Variants in ADAMTSL1 observed in about 807,000 individuals in gnomAD.
ADAMTSL1 encodes the protein ADAMTS like 1.
ADAMTSL1 carries 126 observed loss-of-function variants against 201.8 expected under a neutral mutation model. The observed-to-expected ratio is 0.62, with a 90% CI of 0.54 to 0.72. ADAMTSL1 has a LOEUF of 0.72. Among genes scored for constraint, ADAMTSL1 ranks in the 30% least tolerant of loss-of-function variants. The pLI is 0.00. For missense variants in ADAMTSL1, 2,679 were observed against 2,277.8 expected (o/e 1.18, Z -3.59); for synonymous variants, 1,121 against 903.4 (o/e 1.24, Z -4.32).
intron 2 of ADAMTSL1, among the ~76,000 whole-genome samples, chr9:18,453,836 G>C (rs1188995022): frequency 6.6e-6 from 1 of 152,146 alleles, no homozygotes; most frequent in Non-Finnish European, 1.5e-5. Flanking sequence ...TGTGCTATTA[G>C]AAGCAGAGTC....
intron 2 of ADAMTSL1, among the ~76,000 whole-genome samples, chr9:18,229,899 G>T (rs1162422024): frequency 6.6e-6 from 1 of 151,942 alleles, no homozygotes; most frequent in African/African-American, 2.4e-5. Context: ...CTTTCACCAG[G>T]TTGGCCAGAC....
chr9:18,298,652 C>T (rs1488417840), intron 2 of ADAMTSL1, among the ~76,000 whole-genome samples: 1 of 147,928 alleles, frequency 6.8e-6, no homozygotes, highest in Non-Finnish European at 1.5e-5. Context: ...CAAGCACTCT[C>T]AGTATTCTCA....
chr9:18,538,102 C>T lies in ADAMTSL1; in HGVS notation c.237+4810C>T, dbSNP rs182254814. Among the ~76,000 whole-genome samples the T allele has an allele frequency of 2.1e-3, 326 of 152,162 alleles. 7 individuals carry two copies. The highest frequency in any genetic ancestry group is 0.02 in the Admixed American group (305 of 15,274). On this transcript the variant is annotated intron_variant, in intron 3 of 28. Coordinates refer to ENST00000380548, the MANE Select transcript of ADAMTSL1 (RefSeq NM_001040272.6). ...AAAAAGATAGGTTTGGCTGCAGGCTCACTCTGGAGAATGGATGCAAAGCAG... is the reference window on the plus strand; with the variant it reads ...AAAAAGATAGGTTTGGCTGCAGGCTTACTCTGGAGAATGGATGCAAAGCAG...
At chr9:18,780,117 CTT>C (rs1026153162) in intron 19 of ADAMTSL1, among the ~76,000 whole-genome samples, 1 of 152,126 alleles carries the variant, frequency 6.6e-6, no homozygotes, top group Non-Finnish European at 1.5e-5. Flanking sequence ...GTGTTGGAGA[CTT>C]TTTATGAAAT....
At chr9:18,746,209 T>G (rs914256784) in intron 15 of ADAMTSL1, among the ~76,000 whole-genome samples, 1 of 151,998 alleles carries the variant, frequency 6.6e-6, no homozygotes, top group African/African-American at 2.4e-5. Context: ...TAGGGAGAAA[T>G]TGGAAACTGA....
At chr9:18,433,766 A>G (rs1206923454) in intron 2 of ADAMTSL1, among the ~76,000 whole-genome samples, 1 of 152,202 alleles carries the variant, frequency 6.6e-6, no homozygotes, top group Non-Finnish European at 1.5e-5. Flanking sequence ...GTAGACTAGG[A>G]AAGTTTTCAA....
chr9:18,870,801 T>A (rs1827836322), intron 23 of ADAMTSL1, among the ~76,000 whole-genome samples: 1 of 150,742 alleles, frequency 6.6e-6, no homozygotes, highest in Admixed American at 6.7e-5. Context: ...TTCTCGGGGT[T>A]TGTTTTGTTT....
chr9:18,016,166 T>A (rs1820252384), intron 1 of ADAMTSL1, among the ~76,000 whole-genome samples: 1 of 152,034 alleles, frequency 6.6e-6, no homozygotes, highest in African/African-American at 2.4e-5. Context: ...GTACATCCAC[T>A]CTAATGGCTG....
chr9:18,861,077 G>A (rs776049786), intron 23 of ADAMTSL1, among the ~76,000 whole-genome samples: 13 of 150,876 alleles, frequency 8.6e-5, no homozygotes, highest in South Asian at 2.1e-4. Context: ...CACATCCCTC[G>A]TTATACAGAG....
At position 18,906,998 on chromosome 9, in the gene ADAMTSL1, T is replaced by C. The variant is rs775124458; in HGVS notation, c.5182+86T>C. 1.9e-5 allele frequency: 28 copies of C among 1,480,864 alleles called. 1 individual carries two copies. The South Asian group carries it at 2.2e-4, about 12-fold the overall frequency. The allele number at this position is 1,480,864 out of a possible 1,614,324, so 91.7% of individuals were successfully genotyped here. A position where few individuals can be genotyped will look rare whatever the true frequency, so the allele number is the denominator to read the frequency against. On this transcript the variant is annotated intron_variant, in intron 28 of 28. Transcript: ENST00000380548. ...CAGTCCCTGGGACCGACCCTGAGCA[T>C]AGGGCATGGGGTCAGCTTCCCCAGG... is the stretch of plus-strand genomic sequence containing the variant.
chr9:18,206,196 C>T (rs144605574), intron 2 of ADAMTSL1, among the ~76,000 whole-genome samples: 2,745 of 151,812 alleles, frequency 0.018, 39 homozygotes, highest in Non-Finnish European at 0.026. Context: ...GTTGGAACTT[C>T]CAGCGAGGAA....
chr9:18,839,087 G>T (rs1825533911), intron 23 of ADAMTSL1, among the ~76,000 whole-genome samples: 1 of 150,006 alleles, frequency 6.7e-6, no homozygotes, highest in Non-Finnish European at 1.5e-5. Flanking sequence ...ACAATGTGCA[G>T]GTTACTTACA....
chr9:18,837,881 G>A (rs1825417366), intron 23 of ADAMTSL1, among the ~76,000 whole-genome samples: 1 of 152,080 alleles, frequency 6.6e-6, no homozygotes, highest in African/African-American at 2.4e-5. Context: ...GGACACCAAG[G>A]TCTTATGGGA....
intron 1 of ADAMTSL1, among the ~76,000 whole-genome samples, chr9:17,935,643 G>A (rs980570011): frequency 6.6e-6 from 1 of 152,118 alleles, no homozygotes; most frequent in South Asian, 2.1e-4. Context: ...GGTCAAAAAC[G>A]TAGTTGTTCT....
chr9:18,746,511 T>C (rs1819153677), intron 15 of ADAMTSL1, among the ~76,000 whole-genome samples: 1 of 152,168 alleles, frequency 6.6e-6, no homozygotes, highest in Non-Finnish European at 1.5e-5. Flanking sequence ...ATAACTTCAG[T>C]TTACAATAAC....
At chr9:18,878,763 T>C (rs374754391) in intron 23 of ADAMTSL1, among the ~76,000 whole-genome samples, 1 of 152,238 alleles carries the variant, frequency 6.6e-6, no homozygotes, top group African/African-American at 2.4e-5. Context: ...CTTCACATGC[T>C]GCTCTGTACA....
chr9:17,929,827 T>A (rs147606176), intron 1 of ADAMTSL1, among the ~76,000 whole-genome samples: 1 of 152,282 alleles, frequency 6.6e-6, no homozygotes, highest in African/African-American at 2.4e-5. Context: ...TTCTAGCACT[T>A]GTTTGCATTT....
intron 1 of ADAMTSL1, among the ~76,000 whole-genome samples, chr9:17,959,701 C>A (rs1817656519): frequency 6.6e-6 from 1 of 152,126 alleles, no homozygotes; most frequent in Non-Finnish European, 1.5e-5. Flanking sequence ...AGTGATCCAC[C>A]CACCTTGGTC....
chr9:18,057,900 A>C (rs1346857860), intron 1 of ADAMTSL1, among the ~76,000 whole-genome samples: 1 of 152,182 alleles, frequency 6.6e-6, no homozygotes, highest in Non-Finnish European at 1.5e-5. Context: ...CCTATTATCC[A>C]TCTTTGTTAC....
Sources: allele counts gnomAD v4.1 joint callset (sites outside exome capture counted in the v4.1 genomes callset), GRCh38; gene constraint gnomAD v4.1.1; transcripts MANE v1.5; gene names NCBI Gene and HGNC (gene_info 2026-07-23, HGNC 2026-07-21).